Variants in RBFOX1 observed in about 807,000 individuals in gnomAD.
RBFOX1 encodes the protein RNA binding protein fox-1 homolog 1.
In RBFOX1, 8 loss-of-function variants were observed where a neutral mutation model predicts 57.7. The ratio of observed to expected loss-of-function variants is 0.14; its 90% CI spans 0.08 to 0.25. The LOEUF is 0.25. Among genes scored for constraint, RBFOX1 ranks in the 10% least tolerant of loss-of-function variants. The pLI is 1.00. For missense variants in RBFOX1, 611 were observed against 548.5 expected (o/e 1.11, Z -1.14); for synonymous variants, 326 against 222.4 (o/e 1.47, Z -4.15).
intron 11 of RBFOX1, among the ~76,000 whole-genome samples, chr16:7,638,826 G>T (rs2062236076): frequency 6.6e-6 from 1 of 152,078 alleles, no homozygotes; most frequent in Admixed American, 6.5e-5. Context: ...TTGGGCCCAA[G>T]CGCCATAGTT....
intron 2 of RBFOX1, among the ~76,000 whole-genome samples, chr16:5,593,603 TC>T (rs1233958237): frequency 2.0e-5 from 3 of 152,080 alleles, no homozygotes; most frequent in Non-Finnish European, 4.4e-5. Context: ...ACTGCTACAC[TC>T]CCACCAGCGT....
intron 4 of RBFOX1, among the ~76,000 whole-genome samples, chr16:7,189,710 A>T (rs2084905221): frequency 6.6e-6 from 1 of 152,196 alleles, no homozygotes. Flanking sequence ...TAAATTACTG[A>T]TGGGGTCTAG....
rs2056031895 is a variant in RBFOX1, at chr16:5,825,955, CGT to C, written c.319-41347_319-41346del. Among the ~76,000 whole-genome samples, 3 of 36,240 alleles carry C rather than the reference CGT, an allele frequency of 8.3e-5. 1 individual carries two copies. Among genetic ancestry groups the C allele is most frequent in the East Asian group, 6.8e-4 (1 of 1,478 alleles). 23.8% of individuals were successfully genotyped at this position (36,240 alleles called of 152,430 possible). A position where few individuals can be genotyped will look rare whatever the true frequency, so the allele number is the denominator to read the frequency against. On this transcript the variant is annotated intron_variant, in intron 3 of 19. Coordinates refer to the RBFOX1 transcript ENST00000641259. ...GTAATATGAATAAGGAATAATATTC[CGT>C]AATATGAATAAGGAATAATATTCCG... is the stretch of plus-strand genomic sequence containing the variant.
chr16:6,941,016 G>A (rs769961055), intron 3 of RBFOX1, among the ~76,000 whole-genome samples: 3 of 151,850 alleles, frequency 2.0e-5, no homozygotes, highest in Non-Finnish European at 1.5e-5. Context: ...CCCCCTTATC[G>A]TATACTTCTA....
At chr16:5,619,132 T>A (rs1046581164) in intron 3 of RBFOX1, among the ~76,000 whole-genome samples, 1 of 152,208 alleles carries the variant, frequency 6.6e-6, no homozygotes, top group African/African-American at 2.4e-5. Flanking sequence ...TTGTCCATTT[T>A]ACAAGACGTG....
At chr16:7,231,935 A>C (rs140056176) in intron 4 of RBFOX1, among the ~76,000 whole-genome samples, 2 of 152,108 alleles carry the variant, frequency 1.3e-5, no homozygotes, top group African/African-American at 4.8e-5. Context: ...ATAGGTACAG[A>C]TTTTGTTTCG....
rs2092687327 is a variant in RBFOX1, at chr16:7,000,556, CATA to C, written c.-15-51496_-15-51494del. ...TTCAATTTTGCTTTTGGCAAAAACA[CATA>C]ATAAGTTTTCTTTTCTTTTTTTCTT... On this transcript the variant is annotated intron_variant, in intron 3 of 15. Transcript: ENST00000550418. Among the ~76,000 whole-genome samples the C allele has an allele frequency of 3.4e-5, 5 of 147,702 alleles. No homozygotes were observed. The South Asian group carries it at 6.5e-4, about 19-fold the overall frequency.
At chr16:6,685,418 G>C (rs76542625) in intron 3 of RBFOX1, among the ~76,000 whole-genome samples, 1 of 149,978 alleles carries the variant, frequency 6.7e-6, no homozygotes, top group Non-Finnish European at 1.5e-5. Flanking sequence ...TGAGATTACA[G>C]GCATGTGCCA....
intron 4 of RBFOX1, among the ~76,000 whole-genome samples, chr16:7,149,921 G>A (rs186220477): frequency 2.0e-4 from 31 of 152,200 alleles, no homozygotes; most frequent in Admixed American, 1.5e-3. Context: ...GCCACATCCC[G>A]TGGCTTGTTA....
At chr16:6,812,096 G>A (rs1256951908) in intron 3 of RBFOX1, among the ~76,000 whole-genome samples, 1 of 152,124 alleles carries the variant, frequency 6.6e-6, no homozygotes, top group Non-Finnish European at 1.5e-5. Flanking sequence ...TCCATATGAT[G>A]AAGAAGCCTT....
chr16:7,198,602 G>A (rs956451090), intron 4 of RBFOX1, among the ~76,000 whole-genome samples: 15 of 152,172 alleles, frequency 9.9e-5, no homozygotes, highest in Non-Finnish European at 2.2e-4. Flanking sequence ...CCAAGAGCAT[G>A]ACACTGCATA....
At chr16:7,305,894 C>G (rs992611788) in intron 4 of RBFOX1, among the ~76,000 whole-genome samples, 1 of 152,108 alleles carries the variant, frequency 6.6e-6, no homozygotes, top group African/African-American at 2.4e-5. Flanking sequence ...GCTTCATCTT[C>G]CACAATTTCT....
At chr16:7,060,507 A>G (rs780448959) in intron 4 of RBFOX1, among the ~76,000 whole-genome samples, 2 of 152,228 alleles carry the variant, frequency 1.3e-5, no homozygotes, top group African/African-American at 4.8e-5. Flanking sequence ...AAAGGCTTCC[A>G]GTTAAATACC....
At chr16:6,767,395 T>G (rs9926189) in intron 3 of RBFOX1, among the ~76,000 whole-genome samples, 2,632 of 152,300 alleles carry the variant, frequency 0.017, 76 homozygotes, top group African/African-American at 0.06. Context: ...ACCACAGGGC[T>G]AGGACTGAGT....
intron 3 of RBFOX1, among the ~76,000 whole-genome samples, chr16:6,886,500 C>T (rs963764902): frequency 6.6e-6 from 1 of 151,938 alleles, no homozygotes; most frequent in African/African-American, 2.4e-5. Flanking sequence ...CACCTGTAAT[C>T]CCAGCACTTT....
At chr16:6,149,001 C>T (rs527487028) in intron 1 of RBFOX1, among the ~76,000 whole-genome samples, 2,916 of 152,262 alleles carry the variant, frequency 0.019, 48 homozygotes, top group South Asian at 0.032. Context: ...CTCATTTGTT[C>T]AGCCATCTCA....
At chr16:7,079,233 C>T (rs1043441543) in intron 4 of RBFOX1, among the ~76,000 whole-genome samples, 1 of 152,154 alleles carries the variant, frequency 6.6e-6, no homozygotes. Context: ...TGGCCAAACC[C>T]AGTTTTACTT....
In RBFOX1 at chr16:5,946,253, C is replaced by G. The variant is rs1001848456; in HGVS notation, c.351+78918C>G. Among the ~76,000 whole-genome samples, 2 of 152,178 alleles carry G rather than the reference C, an allele frequency of 1.3e-5. No individual in the cohort carries two copies. Among genetic ancestry groups the G allele is most frequent in the African/African-American group, 2.4e-5 (1 of 41,446 alleles). ...GTCTCTAAGTGTCTCTAAGTCTCAGCTTTCTAATCTGTAAAAGGGACACAA... is the reference window on the plus strand; with the variant it reads ...GTCTCTAAGTGTCTCTAAGTCTCAGGTTTCTAATCTGTAAAAGGGACACAA... On this transcript the variant is annotated intron_variant, in intron 4 of 19. Transcript: ENST00000641259. The surrounding 1 kb of genome is among the most constrained non-coding windows in gnomAD (Gnocchi z 4.6).
chr16:6,349,376 T>G (rs1026754410), intron 2 of RBFOX1, among the ~76,000 whole-genome samples: 2 of 152,236 alleles, frequency 1.3e-5, no homozygotes, highest in Non-Finnish European at 2.9e-5. Context: ...CCACTCTGTG[T>G]TTCAAACTTT....
Sources: gnomAD v4.1 joint callset for allele counts (sites outside exome capture counted in the v4.1 genomes callset) on GRCh38, gnomAD v4.1.1 for gene constraint, Gnocchi (gnomAD v3.1) non-coding constraint, MANE v1.5 for transcripts, NCBI Gene and HGNC (gene_info 2026-07-23, HGNC 2026-07-21) for gene names.